The following SLC24A3 variants were observed in gnomAD, a reference collection of about 807,000 sequenced individuals.
SLC24A3 encodes the protein solute carrier family 24 member 3.
In SLC24A3, 28 loss-of-function variants were observed where a neutral mutation model predicts 75.8. The observed-to-expected ratio is 0.37, with a 90% CI of 0.27 to 0.51. SLC24A3 has a LOEUF of 0.51. Ranked by LOEUF, SLC24A3 falls within the 20% of genes least tolerant of loss-of-function variation. The pLI, the probability that SLC24A3 is intolerant of heterozygous loss-of-function variation, is 0.94. For synonymous variants in SLC24A3, 372 were observed against 334.1 expected (o/e 1.11, Z -1.24); for missense variants, 663 against 847.8 (o/e 0.78, Z 2.71).
intron 6 of SLC24A3, among the ~76,000 whole-genome samples, chr20:19,640,241 C>T (rs1027203392): frequency 3.9e-5 from 6 of 152,172 alleles, no homozygotes; most frequent in African/African-American, 1.4e-4. Context: ...TTTTATCTTT[C>T]CTAACAAGAC....
chr20:19,236,334 C>T (rs1045139710), intron 1 of SLC24A3, among the ~76,000 whole-genome samples: 1 of 152,172 alleles, frequency 6.6e-6, no homozygotes, highest in African/African-American at 2.4e-5. Flanking sequence ...CACAAGACAG[C>T]TCAGGGGGAA....
chr20:19,321,973 T>A (rs911772294), intron 2 of SLC24A3, among the ~76,000 whole-genome samples: 1 of 152,208 alleles, frequency 6.6e-6, no homozygotes. Context: ...TCTGAACTTG[T>A]CTGATTAACG....
intron 2 of SLC24A3, among the ~76,000 whole-genome samples, chr20:19,393,753 G>A (rs1986404039): frequency 6.6e-6 from 1 of 152,070 alleles, no homozygotes; most frequent in South Asian, 2.1e-4. Flanking sequence ...TATGTAATTG[G>A]AATAGTTAAT....
At chr20:19,272,657 C>G (rs902704338) in intron 1 of SLC24A3, among the ~76,000 whole-genome samples, 2 of 152,178 alleles carry the variant, frequency 1.3e-5, no homozygotes, top group Admixed American at 6.5e-5. Context: ...AAACTTAATC[C>G]CCAGGTCAAG....
chr20:19,267,735 T>C (rs1983209249), intron 1 of SLC24A3, among the ~76,000 whole-genome samples: 1 of 152,174 alleles, frequency 6.6e-6, no homozygotes, highest in African/African-American at 2.4e-5. Context: ...AAATGCTCTC[T>C]CCATAGAGCA....
chr20:19,652,785 G>A (rs1350703290), intron 6 of SLC24A3, among the ~76,000 whole-genome samples: 3 of 152,156 alleles, frequency 2.0e-5, no homozygotes, highest in South Asian at 4.1e-4. Flanking sequence ...CACAGCAGTC[G>A]GGGAGGGTAG....
intron 2 of SLC24A3, among the ~76,000 whole-genome samples, chr20:19,358,661 C>T (rs1183698522): frequency 6.6e-6 from 1 of 152,154 alleles, no homozygotes; most frequent in Non-Finnish European, 1.5e-5. Context: ...CTATGTTACT[C>T]ATTTTAAGGT....
chr20:19,323,399 C>A (rs1255103860), intron 2 of SLC24A3, among the ~76,000 whole-genome samples: 1 of 152,048 alleles, frequency 6.6e-6, no homozygotes, highest in Non-Finnish European at 1.5e-5. Flanking sequence ...TGAAAATGTT[C>A]CAGATTTATC....
intron 2 of SLC24A3, among the ~76,000 whole-genome samples, chr20:19,331,163 A>C (rs1012427048): frequency 6.6e-6 from 1 of 152,226 alleles, no homozygotes; most frequent in African/African-American, 2.4e-5. Flanking sequence ...TGACAGTTTG[A>C]AAATGGACAG....
intron 15 of SLC24A3, among the ~76,000 whole-genome samples, chr20:19,716,412 A>G (rs1036709415): frequency 2.9e-4 from 21 of 71,772 alleles, no homozygotes; most frequent in African/African-American, 1.0e-3. Context: ...GATGAGATTA[A>G]AACTGTTTCT....
At chr20:19,600,578 CAG>C (rs1178290068) in intron 6 of SLC24A3, among the ~76,000 whole-genome samples, 1 of 152,150 alleles carries the variant, frequency 6.6e-6, no homozygotes, top group Non-Finnish European at 1.5e-5. Flanking sequence ...TGGCCTTGGG[CAG>C]AGAGAGTAAT....
chr20:19,322,049 A>G (rs964692301), intron 2 of SLC24A3, among the ~76,000 whole-genome samples: 3 of 152,138 alleles, frequency 2.0e-5, no homozygotes, highest in Admixed American at 6.5e-5. Context: ...TGCCCTTCCC[A>G]GTGCATCACT....
intron 2 of SLC24A3, among the ~76,000 whole-genome samples, chr20:19,388,627 G>T: frequency 6.6e-6 from 1 of 152,200 alleles, no homozygotes; most frequent in Non-Finnish European, 1.5e-5. Flanking sequence ...CAGGAGAATG[G>T]TGTGAACCCG....
chr20:19,275,706 A>T (rs1983464270), intron 1 of SLC24A3, among the ~76,000 whole-genome samples: 2 of 152,086 alleles, frequency 1.3e-5, no homozygotes, highest in Admixed American at 1.3e-4. Flanking sequence ...CTGTAATGGA[A>T]ACTTGGCGTC....
rs565407674 is a variant in SLC24A3, at chr20:19,496,220, A to G, written c.272-19268A>G. On this transcript the variant is annotated intron_variant, in intron 2 of 16. Coordinates refer to ENST00000328041, the MANE Select transcript of SLC24A3 (RefSeq NM_020689.4). ...TGATTTCGCAGAGTAAGCCTAGTCT[A>G]GCATCAGTCCATCCTCAACACCAGC... 8.6e-4 allele frequency among the ~76,000 whole-genome samples: 131 copies of G among 152,230 alleles called. 1 individual carries two copies. The highest frequency in any genetic ancestry group is 3.1e-3 in the African/African-American group (129 of 41,518).
chr20:19,699,499 G>T (rs1046041060), intron 15 of SLC24A3, among the ~76,000 whole-genome samples: 25 of 152,236 alleles, frequency 1.6e-4, no homozygotes, highest in Non-Finnish European at 2.2e-4. Flanking sequence ...TATAAGGGCT[G>T]TGCAGAAAGC....
intron 2 of SLC24A3, among the ~76,000 whole-genome samples, chr20:19,289,017 T>TG (rs1290996476): frequency 2.0e-5 from 3 of 152,164 alleles, no homozygotes; most frequent in Non-Finnish European, 4.4e-5. Context: ...CCAGGCTCTG[T>TG]GACAGTTGCC....
chr20:19,215,158 C>T (rs1402519994), intron 1 of SLC24A3, among the ~76,000 whole-genome samples: 1 of 152,078 alleles, frequency 6.6e-6, no homozygotes. Flanking sequence ...GATAATTTTG[C>T]AAGGGGAATT....
chr20:19,557,804 G>T (rs2030813685), intron 3 of SLC24A3, among the ~76,000 whole-genome samples: 1 of 152,204 alleles, frequency 6.6e-6, no homozygotes, highest in African/African-American at 2.4e-5. Flanking sequence ...GAGCCACCAA[G>T]CTGAACTTGT....
Sources: gnomAD v4.1 joint callset for allele counts (sites outside exome capture counted in the v4.1 genomes callset) on GRCh38, gnomAD v4.1.1 for gene constraint, MANE v1.5 for transcripts, NCBI Gene and HGNC (gene_info 2026-07-23, HGNC 2026-07-21) for gene names.